The following LOXL2 variants were observed in gnomAD, a reference collection of about 807,000 sequenced individuals.
LOXL2 encodes the protein lysyl oxidase like 2.
In LOXL2, 70 loss-of-function variants were observed where a neutral mutation model predicts 93.0. The ratio of observed to expected loss-of-function variants is 0.75; its 90% CI spans 0.62 to 0.92. The LOEUF (loss-of-function observed/expected upper bound fraction) is 0.92. LOXL2 is among the 40% of genes least tolerant of loss of function. LOXL2 has a pLI of 0.00. For missense variants in LOXL2, 973 were observed against 1,054.9 expected (o/e 0.92, Z 1.08); for synonymous variants, 438 against 413.2 (o/e 1.06, Z -0.73).
At chr8:23,367,922 CAGGCTG>C in intron 2 of LOXL2, 69 bp downstream of exon 2, 1 of 1,233,976 alleles carries the variant, frequency 8.1e-7, no homozygotes, top group South Asian at 1.4e-5. Flanking sequence ...CCTCCTCTCC[CAGGCTG>C]ACCTCAGGGA....
intron 5 of LOXL2, among the ~76,000 whole-genome samples, chr8:23,333,061 G>T (rs929146798): frequency 6.6e-6 from 1 of 152,048 alleles, no homozygotes; most frequent in Non-Finnish European, 1.5e-5. Flanking sequence ...CAAATGTGTC[G>T]CTGACTGCAT....
chr8:23,342,966 G>C (rs1038726963), intron 3 of LOXL2, among the ~76,000 whole-genome samples: 1 of 152,014 alleles, frequency 6.6e-6, no homozygotes, highest in Non-Finnish European at 1.5e-5. Context: ...GCCTAAGCTG[G>C]TTTCGAACTC....
At chr8:23,335,624 T>A (rs773356303) in intron 4 of LOXL2, among the ~76,000 whole-genome samples, 2 of 152,124 alleles carry the variant, frequency 1.3e-5, no homozygotes, top group African/African-American at 4.8e-5. Context: ...TACCTGCTCA[T>A]GTCGACCCAG....
chr8:23,303,091 G>T (rs1439310467), intron 11 of LOXL2, among the ~76,000 whole-genome samples, 191 bp downstream of exon 11: 1 of 152,064 alleles, frequency 6.6e-6, no homozygotes. Context: ...GAATCCGGGT[G>T]CCCTTGGAAC....
At chr8:23,401,049 A>G (rs971529553) in intron 1 of LOXL2, among the ~76,000 whole-genome samples, 7 of 152,332 alleles carry the variant, frequency 4.6e-5, no homozygotes, top group African/African-American at 1.7e-4. Context: ...GTCCACGAGT[A>G]ACATGGAGAA....
At chr8:23,365,005 C>T (rs1167011582) in intron 2 of LOXL2, 1 of 152,262 alleles carries the variant, frequency 6.6e-6, no homozygotes, top group Admixed American at 6.5e-5. Flanking sequence ...GCTGCTATAA[C>T]CTCGAACAGG....
At position 23,332,271 on chromosome 8, in the gene LOXL2, TACAC is replaced by T. The variant is rs61703452; in HGVS notation, c.966+1126_966+1129del. ...CACACTTATACACACCACCCACACA[TACAC>T]ACAACCCACACAGACCCCCACACAC... is the stretch of plus-strand genomic sequence containing the variant. On this transcript the variant is annotated intron_variant, in intron 5 of 13. Transcript: ENST00000389131. 8.5e-3 allele frequency among the ~76,000 whole-genome samples: 571 copies of T among 67,096 alleles called. 30 individuals are homozygous for T. In the East Asian group the frequency reaches 0.18, roughly 21 times the overall value. The allele number at this position is 67,096 out of a possible 152,430, so 44.0% of individuals were successfully genotyped here.
At chr8:23,358,887 G>C (rs1482713670) in intron 3 of LOXL2, among the ~76,000 whole-genome samples, 1 of 150,130 alleles carries the variant, frequency 6.7e-6, no homozygotes, top group African/African-American at 2.5e-5. Context: ...TGTCACCCAG[G>C]CTGGAGTGCA....
chr8:23,379,236 G>A (rs750457165), intron 1 of LOXL2, among the ~76,000 whole-genome samples: 2 of 150,054 alleles, frequency 1.3e-5, no homozygotes, highest in African/African-American at 5.0e-5. Context: ...CAGCAGCAGA[G>A]GCTGCAGAAC....
intron 2 of LOXL2, among the ~76,000 whole-genome samples, chr8:23,367,791 C>T (rs1804428533): frequency 6.6e-6 from 1 of 151,976 alleles, no homozygotes; most frequent in Non-Finnish European, 1.5e-5. Context: ...TGGTCACTTA[C>T]TGTGCCCCTC....
At chr8:23,347,182 C>CACACACACAA (rs1168780357) in intron 3 of LOXL2, among the ~76,000 whole-genome samples, 61 of 54,170 alleles carry the variant, frequency 1.1e-3, no homozygotes, top group African/African-American at 7.7e-3. Flanking sequence ...CACACACACA[C>CACACACACAA]ACACACACAC....
intron 4 of LOXL2, among the ~76,000 whole-genome samples, chr8:23,334,919 G>C (rs1397899253): frequency 6.6e-6 from 1 of 151,502 alleles, no homozygotes; most frequent in African/African-American, 2.4e-5. Context: ...CAGGTTCAAG[G>C]AATTCTCCTG....
intron 4 of LOXL2, among the ~76,000 whole-genome samples, chr8:23,339,904 C>T (rs1019286943): frequency 2.6e-5 from 4 of 152,132 alleles, no homozygotes; most frequent in East Asian, 1.9e-4. Flanking sequence ...TGGCCCACCC[C>T]GTCCAGGCAG....
chr8:23,380,095 G>A (rs570955653), intron 1 of LOXL2, among the ~76,000 whole-genome samples: 6 of 152,242 alleles, frequency 3.9e-5, no homozygotes, highest in South Asian at 2.1e-4. Flanking sequence ...CCCTCGCAAC[G>A]TTTTAAAAGA....
intron 1 of LOXL2, among the ~76,000 whole-genome samples, chr8:23,374,989 C>G (rs1804564228): frequency 6.6e-6 from 1 of 152,166 alleles, no homozygotes; most frequent in African/African-American, 2.4e-5. Flanking sequence ...GTTGCCATTG[C>G]TTTTGGAGTT....
At chr8:23,399,026 T>G (rs1800127043) in intron 1 of LOXL2, among the ~76,000 whole-genome samples, 1 of 152,226 alleles carries the variant, frequency 6.6e-6, no homozygotes, top group African/African-American at 2.4e-5. Flanking sequence ...TGCTTCAACT[T>G]ACACAGGACT....
chr8:23,313,346 G>C (rs138209228), intron 9 of LOXL2, among the ~76,000 whole-genome samples: 118,293 of 151,746 alleles, frequency 0.78, 46,203 homozygotes, highest in South Asian at 0.87. Context: ...CAAGTCAATC[G>C]TAAGCCAAAA....
At chr8:23,396,218 T>C (rs56201907) in intron 1 of LOXL2, among the ~76,000 whole-genome samples, 15,025 of 152,016 alleles carry the variant, frequency 0.099, 772 homozygotes, top group South Asian at 0.17. Context: ...CTCGGGAGGC[T>C]GAGGCAAGAG....
Position 23,333,329 on chromosome 8 carries a change from C to G in LOXL2, c.966+72G>C, listed in dbSNP as rs2294129. On this transcript the variant is annotated intron_variant, in intron 5 of 13. Coordinates refer to ENST00000389131, the MANE Select transcript of LOXL2 (RefSeq NM_002318.3). The stretch of plus-strand genomic sequence containing the variant: ...ACCCTTCCTCACTCTCCTGGGGGAT[C>G]CTGCCTACTCCCTCAACACCCTCCC... 1.3e-5 allele frequency: 18 copies of G among 1,387,116 alleles called. No homozygotes were observed. In the African/African-American group the frequency reaches 2.0e-4, roughly 15 times the overall value. The allele number at this position is 1,387,116 out of a possible 1,614,324, so 85.9% of individuals were successfully genotyped here. A position where few individuals can be genotyped will look rare whatever the true frequency, so the allele number is the denominator to read the frequency against.
Sources: allele counts gnomAD v4.1 joint callset (sites outside exome capture counted in the v4.1 genomes callset), GRCh38; gene constraint gnomAD v4.1.1; transcripts MANE v1.5; gene names NCBI Gene and HGNC (gene_info 2026-07-23, HGNC 2026-07-21).